TBC1D19: variants seen among roughly 807,000 people sequenced by gnomAD.
TBC1D19 encodes the protein TBC1 domain family member 19.
In TBC1D19, 60 loss-of-function variants were observed where a neutral mutation model predicts 89.0. That is an observed-to-expected ratio of 0.67 (90% confidence interval 0.55 to 0.84). The LOEUF (loss-of-function observed/expected upper bound fraction) is 0.84, where lower values mean the gene tolerates loss of function less well. Among genes scored for constraint, TBC1D19 ranks in the 40% least tolerant of loss-of-function variants. The pLI is 0.00. For synonymous variants in TBC1D19, 189 were observed against 199.7 expected, an observed-to-expected ratio of 0.95 and a Z score of 0.45; for missense variants, 500 against 610.8, an observed-to-expected ratio of 0.82 and a Z score of 1.91.
At chr4:26,609,669 A>G (rs1293014993) in intron 1 of TBC1D19, among the ~76,000 whole-genome samples, 1 of 152,152 alleles carries the variant, frequency 6.6e-6, no homozygotes, top group African/African-American at 2.4e-5. Flanking sequence ...TTGGGTCTAC[A>G]TTGTGAAGGA....
chr4:26,577,586 G>C (rs1739000146), intron 1 of TBC1D19, among the ~76,000 whole-genome samples: 1 of 152,216 alleles, frequency 6.6e-6, no homozygotes, highest in Non-Finnish European at 1.5e-5. Flanking sequence ...CCCAGAAGCA[G>C]ATGCTAAAAT....
the TBC1D19 span, among the ~76,000 whole-genome samples, chr4:26,828,600 G>A: frequency 6.6e-6 from 1 of 152,182 alleles, no homozygotes; most frequent in African/African-American, 2.4e-5. Flanking sequence ...AAAGTAAAGC[G>A]GTTGAGAGTG....
intron 19 of TBC1D19, among the ~76,000 whole-genome samples, chr4:26,752,768 T>G (rs1719041337): frequency 6.6e-6 from 1 of 152,196 alleles, no homozygotes; most frequent in Admixed American, 6.5e-5. Context: ...AAGTTTTGCA[T>G]GTTAGCATTA....
intron 18 of TBC1D19, among the ~76,000 whole-genome samples, chr4:26,743,566 A>T (rs551253741): frequency 2.6e-4 from 40 of 152,204 alleles, no homozygotes; most frequent in African/African-American, 9.4e-4. Flanking sequence ...AAAGATGGAG[A>T]TAACAATCAA....
At chr4:26,764,142 A>C in the TBC1D19 span, among the ~76,000 whole-genome samples, 3 of 152,226 alleles carry the variant, frequency 2.0e-5, no homozygotes, top group African/African-American at 7.2e-5. Context: ...TTTTTGAATA[A>C]GTTTAACAAG....
At chr4:26,666,688 C>T (rs2109093091) in intron 9 of TBC1D19, among the ~76,000 whole-genome samples, 1 of 152,048 alleles carries the variant, frequency 6.6e-6, no homozygotes, top group Non-Finnish European at 1.5e-5. Context: ...CTGGCAACAT[C>T]CTTTCCTGGC....
the TBC1D19 span, among the ~76,000 whole-genome samples, chr4:26,854,229 C>T: frequency 6.6e-6 from 1 of 152,168 alleles, no homozygotes; most frequent in African/African-American, 2.4e-5. Context: ...TATTTTTAAA[C>T]AATTAACAAA....
intron 19 of TBC1D19, among the ~76,000 whole-genome samples, chr4:26,752,067 C>T (rs558224676): frequency 1.3e-5 from 2 of 152,252 alleles, no homozygotes; most frequent in African/African-American, 4.8e-5. Flanking sequence ...ACCCCACTTA[C>T]TATGCCTCAC....
chr4:26,582,981 C>T (rs368049267), upstream of TBC1D19, among the ~76,000 whole-genome samples: 7 of 152,268 alleles, frequency 4.6e-5, no homozygotes, highest in South Asian at 1.2e-3. Context: ...GTCAGAAATG[C>T]GGTTTACCAG....
chr4:26,725,713 C>T (rs955985632), intron 15 of TBC1D19, among the ~76,000 whole-genome samples: 1 of 152,090 alleles, frequency 6.6e-6, no homozygotes, highest in Non-Finnish European at 1.5e-5. Flanking sequence ...ATGCCCAACC[C>T]TGATTAATAC....
At chr4:26,768,466 A>G in the TBC1D19 span, among the ~76,000 whole-genome samples, 108 of 152,366 alleles carry the variant, frequency 7.1e-4, no homozygotes, top group African/African-American at 2.5e-3. Flanking sequence ...CCAGACATGC[A>G]AAGAAGCAGG....
At chr4:26,832,804 G>A in the TBC1D19 span, among the ~76,000 whole-genome samples, 1 of 152,122 alleles carries the variant, frequency 6.6e-6, no homozygotes, top group Admixed American at 6.6e-5. Context: ...GACCAGCCTG[G>A]CAAACATGGC....
At chr4:26,616,200 C>T (rs1331218392) in intron 3 of TBC1D19, among the ~76,000 whole-genome samples, 1 of 152,014 alleles carries the variant, frequency 6.6e-6, no homozygotes, top group Non-Finnish European at 1.5e-5. Flanking sequence ...GAGGACATAG[C>T]TTAGTATGAG....
At chr4:26,809,708 T>C in the TBC1D19 span, among the ~76,000 whole-genome samples, 3 of 152,150 alleles carry the variant, frequency 2.0e-5, no homozygotes, top group African/African-American at 7.2e-5. Context: ...CTCAGAGTTA[T>C]CACACCTGAG....
chr4:26,811,284 T>C, the TBC1D19 span, among the ~76,000 whole-genome samples: 1 of 152,208 alleles, frequency 6.6e-6, no homozygotes, highest in East Asian at 1.9e-4. Context: ...ATGTTCTCAC[T>C]CATAAGCAGG....
At chr4:26,754,851 T>A in intron 20 of TBC1D19, 22 bp from the exon 21 acceptor site, 1 of 1,565,934 alleles carries the variant, frequency 6.4e-7, no homozygotes, top group African/African-American at 1.4e-5. Flanking sequence ...CTATTAATAA[T>A]TCTTTTTATT....
intron 7 of TBC1D19, among the ~76,000 whole-genome samples, chr4:26,643,791 A>G (rs1250885001): frequency 6.6e-6 from 1 of 152,246 alleles, no homozygotes; most frequent in African/African-American, 2.4e-5. Context: ...AGAGAATACT[A>G]TAAACACCTC....
At chr4:26,827,689 A>C in the TBC1D19 span, among the ~76,000 whole-genome samples, 1 of 151,320 alleles carries the variant, frequency 6.6e-6, no homozygotes, top group Non-Finnish European at 1.5e-5. Context: ...CCAATTTATT[A>C]GAGCTTTCTT....
At chr4:26,727,751 T>C (rs904838529) in intron 15 of TBC1D19, among the ~76,000 whole-genome samples, 2 of 152,240 alleles carry the variant, frequency 1.3e-5, no homozygotes, top group Non-Finnish European at 2.9e-5. Context: ...ATCAAAAGCC[T>C]TCTGTTCTAT....
Sources: gnomAD v4.1 joint callset for allele counts (sites outside exome capture counted in the v4.1 genomes callset) on GRCh38, gnomAD v4.1.1 for gene constraint, MANE v1.5 for transcripts, NCBI Gene and HGNC (gene_info 2026-07-23, HGNC 2026-07-21) for gene names.